GLYR1: variants seen among roughly 807,000 people sequenced by gnomAD.
GLYR1 encodes glyoxylate reductase 1 homolog.
Under a neutral mutation model 72.7 loss-of-function variants are expected in GLYR1, and 21 were observed. The observed-to-expected ratio is 0.29, with a 90% confidence interval of 0.20 to 0.42. GLYR1 has a LOEUF of 0.42. Ranked by LOEUF, GLYR1 falls within the 10% of genes least tolerant of loss-of-function variation. The probability of loss-of-function intolerance (pLI) is 1.00; values close to 1 mark genes in which losing one functional copy is unlikely to be tolerated. For synonymous variants in GLYR1, 392 were observed against 270.2 expected (o/e 1.45, Z -4.42); for missense variants, 594 against 712.1 (o/e 0.83, Z 1.89).
chr16:4,825,662 T>A (rs1257899855), intron 5 of GLYR1, among the ~76,000 whole-genome samples: 19 of 152,168 alleles, frequency 1.2e-4, no homozygotes, highest in Admixed American at 1.2e-3. Context: ...TCTTCTTTTT[T>A]TTTTTTTGAG....
chr16:4,841,150 A>G (rs1322837698), intron 3 of GLYR1, among the ~76,000 whole-genome samples: 2 of 152,172 alleles, frequency 1.3e-5, no homozygotes, highest in African/African-American at 4.8e-5. Flanking sequence ...GTTAGAAATT[A>G]TATCATCACC....
At chr16:4,832,340 CTAGAAA>C in intron 4 of GLYR1, 119 bp from the exon 5 acceptor site, 3 of 1,221,954 alleles carry the variant, frequency 2.5e-6, no homozygotes, top group Middle Eastern at 2.0e-4. Flanking sequence ...CACAATGACC[CTAGAAA>C]TAGATTCTGC....
At chr16:4,831,939 G>A in intron 5 of GLYR1, 40 bp downstream of exon 5, 1 of 1,598,882 alleles carries the variant, frequency 6.3e-7, no homozygotes, top group Admixed American at 1.7e-5. Flanking sequence ...TGTACTAAAA[G>A]GACATCACTA....
intron 10 of GLYR1, among the ~76,000 whole-genome samples, chr16:4,816,848 G>A (rs374174081): frequency 6.6e-5 from 10 of 151,914 alleles, no homozygotes; most frequent in Admixed American, 2.6e-4. Flanking sequence ...TTAGCCAGGT[G>A]TGGTGGCGCG....
At chr16:4,842,254 A>C (rs12443682) in intron 3 of GLYR1, among the ~76,000 whole-genome samples, 2,997 of 150,182 alleles carry the variant, frequency 0.02, 81 homozygotes, top group African/African-American at 0.056. Flanking sequence ...AAAAAAAAAA[A>C]AACAACAACA....
chr16:4,846,086 A>G (rs1396057670), intron 2 of GLYR1, 88 bp downstream of exon 2: 1 of 1,424,980 alleles, frequency 7.0e-7, no homozygotes, highest in Non-Finnish European at 9.9e-7. Context: ...ATTTAACTCA[A>G]TACTAGAAAC....
rs371867462 is a variant in GLYR1 at position 4,822,960 on chromosome 16, C to G, written c.625-29G>C. On this transcript the variant is annotated intron_variant, in intron 6 of 15. Coordinates refer to ENST00000321919, the MANE Select transcript of GLYR1 (RefSeq NM_032569.4). ...AAACCAGAAAACAGTGAAATAAAAC[C>G]AGTTATCTGCCACCAAAGGTCACTT... 3.1e-6 allele frequency: 5 copies of G among 1,597,392 alleles called. No homozygotes were observed. In the African/African-American group the frequency reaches 6.7e-5, roughly 21 times the overall value.
At chr16:4,841,672 C>T (rs1596410525) in intron 3 of GLYR1, among the ~76,000 whole-genome samples, 2 of 148,074 alleles carry the variant, frequency 1.4e-5, no homozygotes, top group Admixed American at 1.4e-4. Flanking sequence ...ACAACAACAA[C>T]AACAAAAAAC....
chr16:4,811,544 C>T, intron 14 of GLYR1, 79 bp downstream of exon 14: 1 of 1,543,478 alleles, frequency 6.5e-7, no homozygotes, highest in Non-Finnish European at 8.9e-7. Flanking sequence ...GGGCATCTTT[C>T]ACGCTCACTA....
At chr16:4,822,572 G>C (rs2084106198) in intron 7 of GLYR1, among the ~76,000 whole-genome samples, 1 of 152,138 alleles carries the variant, frequency 6.6e-6, no homozygotes, top group Admixed American at 6.5e-5. Context: ...TCTATTTTTA[G>C]TAGAGATGAG....
intron 10 of GLYR1, 105 bp from the exon 11 acceptor site, chr16:4,814,752 AGGAGGCTGAGGCCGGGAGCCT>A (rs1281770206): frequency 1.1e-6 from 1 of 875,564 alleles, no homozygotes; most frequent in East Asian, 2.7e-5. Context: ...CTACCAAGGC[AGGAGGCTGAGGCCGGGAGCCT>A]GGGTCATGGA....
intron 15 of GLYR1, among the ~76,000 whole-genome samples, chr16:4,808,888 C>T (rs1004854858): frequency 3.3e-5 from 5 of 151,952 alleles, no homozygotes; most frequent in Admixed American, 3.3e-4. Flanking sequence ...ATTGCTTGAG[C>T]CTAGGAAGTC....
chr16:4,830,993 T>C (rs1237594586), intron 5 of GLYR1, among the ~76,000 whole-genome samples: 1 of 152,198 alleles, frequency 6.6e-6, no homozygotes, highest in Non-Finnish European at 1.5e-5. Context: ...GCTCCCAGGC[T>C]GTCTAGGCCT....
Position 4,814,627 on chromosome 16 carries a change from C to G in GLYR1, c.927G>C (p.Glu309Asp). 6.2e-7 allele frequency: 1 copy of G among 1,614,094 alleles called. No individual in the cohort carries two copies. Among genetic ancestry groups the G allele is most frequent in the Non-Finnish European group, 8.5e-7 (1 of 1,179,922 alleles). The change falls in exon 11 of 16, where the codon GAG (glutamate) becomes GAC (aspartate). Residue 309 changes from glutamate (E) to aspartate (D), a missense_variant. Transcript: ENST00000321919. ...TAEKCDLFIQ[E>D]GARLGRTPAE... Reference sequence around the variant, plus strand: ...CGGGGGTTCTTCCCAGACGGGCCCCCTCCTGGATGAACAAATCACACTGCA... The same window carrying G: ...CGGGGGTTCTTCCCAGACGGGCCCCGTCCTGGATGAACAAATCACACTGCA...
At chr16:4,814,223 A>T (rs536783845) in intron 11 of GLYR1, among the ~76,000 whole-genome samples, 49 of 152,364 alleles carry the variant, frequency 3.2e-4, no homozygotes, top group African/African-American at 1.1e-3. Context: ...AGCTAAACAT[A>T]GAAGCTTGGC....
intron 5 of GLYR1, among the ~76,000 whole-genome samples, chr16:4,827,894 C>A (rs1486301149): frequency 6.6e-6 from 1 of 151,628 alleles, no homozygotes; most frequent in Non-Finnish European, 1.5e-5. Context: ...CACGAGACTC[C>A]GTCTCAAAAA....
chr16:4,838,591 CT>C (rs745571978), intron 3 of GLYR1, among the ~76,000 whole-genome samples: 148 of 144,226 alleles, frequency 1.0e-3, no homozygotes, highest in Non-Finnish European at 1.0e-3. Context: ...TGAAACTTTT[CT>C]TTTTTTTTTT....
In GLYR1 at chr16:4,823,822, T is replaced by G. The variant is rs768038644; in HGVS notation, c.623A>C (p.Glu208Ala). The G allele has an allele frequency of 3.7e-6, 6 of 1,608,982 alleles. No homozygotes were observed. The South Asian group carries it at 5.5e-5, about 15-fold the overall frequency. The change falls in exon 6 of 16, where the codon GAG becomes GCG. Residue 208 changes from glutamate to alanine, a missense_variant and splice_region_variant. Physicochemically the swap from Glu to Ala is moderately radical, Grantham distance 107 (BLOSUM62 -1). This residue lies in a region of GLYR1 where 252 missense variants were observed against 211.3 expected (regional missense o/e 1.19). Transcript: ENST00000321919. ...CCTGCCTGCAGGAGAGCTCCTTACC[T>G]CGCTTGCGGTTGGCTGCCATTTAAA... Reference protein sequence around the residue: ...AAFKWQPTASEPVKDADPHFH... With the variant: ...AAFKWQPTASAPVKDADPHFH...
Position 4,806,470 on chromosome 16 carries a change from C to G in GLYR1, c.1588-1160G>C, listed in dbSNP as rs2082982534. ...CTCCTGGGCTCAAGCAATCCTCCTGCCTCACCTGCCTCAGCCTCCCAAGTA... is the reference window on the plus strand; with the variant it reads ...CTCCTGGGCTCAAGCAATCCTCCTGGCTCACCTGCCTCAGCCTCCCAAGTA... On this transcript the variant is annotated intron_variant, in intron 15 of 15. Transcript: ENST00000321919. 2.0e-5 allele frequency among the ~76,000 whole-genome samples: 3 copies of G among 151,618 alleles called. No homozygotes were observed. In the South Asian group the frequency reaches 6.3e-4, roughly 32 times the overall value.
Sources: allele counts gnomAD v4.1 joint callset (sites outside exome capture counted in the v4.1 genomes callset), GRCh38; gene constraint gnomAD v4.1.1; regional missense constraint gnomAD v4.1.1; transcripts MANE v1.5; gene names NCBI Gene and HGNC (gene_info 2026-07-23, HGNC 2026-07-21).